PI4KA: variants seen among roughly 807,000 people sequenced by gnomAD.
PI4KA encodes PI4-kinase alpha.
PI4KA carries 122 observed loss-of-function variants against 271.4 expected under a neutral mutation model. The ratio of observed to expected loss-of-function variants is 0.45; its 90% CI spans 0.39 to 0.52. The LOEUF is 0.52. PI4KA is among the 20% of genes least tolerant of loss of function. PI4KA has a pLI of 0.00. For synonymous variants in PI4KA, 1,041 were observed against 1,078.8 expected, an observed-to-expected ratio of 0.96 and a Z score of 0.69; for missense variants, 1,969 against 2,769.1, an observed-to-expected ratio of 0.71 and a Z score of 6.48.
At chr22:20,786,803 T>G in intron 19 of PI4KA, 15 of 1,414,856 alleles carry the variant, frequency 1.1e-5, no homozygotes, top group East Asian at 2.3e-5. Context: ...CTGAATGATA[T>G]GAGATTGTGC....
chr22:20,833,406 A>G (rs178054), intron 3 of PI4KA, among the ~76,000 whole-genome samples: 73,407 of 152,024 alleles, frequency 0.48, 18,177 homozygotes, highest in African/African-American at 0.57. Flanking sequence ...TGGCTGAGGC[A>G]GGGTGCTAGG....
At chr22:20,727,616 G>C (rs1927517699) in intron 40 of PI4KA, 158 bp downstream of exon 40, 5 of 692,626 alleles carry the variant, frequency 7.2e-6, no homozygotes, top group South Asian at 5.8e-5. Flanking sequence ...AAATGCTACA[G>C]ACAAGAAATA....
intron 19 of PI4KA, among the ~76,000 whole-genome samples, chr22:20,781,286 T>C (rs1481449404): frequency 6.6e-6 from 1 of 152,180 alleles, no homozygotes; most frequent in Non-Finnish European, 1.5e-5. Flanking sequence ...CTTTACTCTC[T>C]AAGCTGAGAG....
chr22:20,766,836 G>A (rs1161773153), intron 19 of PI4KA, among the ~76,000 whole-genome samples: 1 of 152,156 alleles, frequency 6.6e-6, no homozygotes, highest in Non-Finnish European at 1.5e-5. Flanking sequence ...CACTGGGCCG[G>A]GAGAGAGGTG....
intron 29 of PI4KA, among the ~76,000 whole-genome samples, chr22:20,745,564 C>T (rs1729314105): frequency 6.6e-6 from 1 of 151,848 alleles, no homozygotes; most frequent in African/African-American, 2.4e-5. Flanking sequence ...TAAACAAGAA[C>T]AAAAATACAT....
At chr22:20,725,740 AC>A (rs1010110981) in intron 42 of PI4KA, 1 of 305,208 alleles carries the variant, frequency 3.3e-6, no homozygotes, top group Non-Finnish European at 6.8e-6. Context: ...TACAAAAAAT[AC>A]AAAAATTAGC....
At chr22:20,849,283 T>C (rs1023333553) in intron 1 of PI4KA, among the ~76,000 whole-genome samples, 13 of 152,206 alleles carry the variant, frequency 8.5e-5, no homozygotes, top group Non-Finnish European at 1.8e-4. Flanking sequence ...GAAAACAGTC[T>C]GGAGTTCCTC....
intron 32 of PI4KA, 69 bp downstream of exon 32, chr22:20,742,159 A>G: frequency 6.5e-7 from 1 of 1,531,702 alleles, no homozygotes; most frequent in Non-Finnish European, 8.9e-7. Context: ...TGGTGGCGGC[A>G]CCAGGGAAGG....
intron 29 of PI4KA, among the ~76,000 whole-genome samples, chr22:20,745,580 C>A (rs1198542441): frequency 6.6e-6 from 1 of 152,114 alleles, no homozygotes; most frequent in South Asian, 2.1e-4. Context: ...TACATGATTT[C>A]TCTCATGAAA....
chr22:20,728,553 G>A (rs1927638512), intron 39 of PI4KA, among the ~76,000 whole-genome samples: 1 of 152,156 alleles, frequency 6.6e-6, no homozygotes, highest in African/African-American at 2.4e-5. Flanking sequence ...ACAGTCCAGG[G>A]GCCACAAGGC....
At chr22:20,761,138 C>T (rs557766963) in intron 23 of PI4KA, among the ~76,000 whole-genome samples, 166 bp downstream of exon 23, 14 of 152,176 alleles carry the variant, frequency 9.2e-5, no homozygotes, top group African/African-American at 3.4e-4. Context: ...GCAGTAGAAC[C>T]ATTAAGGCGT....
intron 28 of PI4KA, 58 bp from the exon 29 acceptor site, chr22:20,747,760 G>C: frequency 6.4e-7 from 1 of 1,561,742 alleles, no homozygotes; most frequent in Non-Finnish European, 8.8e-7. Context: ...TTAGAGGCAG[G>C]GTCTCGCTCT....
chr22:20,808,466 A>T (rs1477656351), intron 9 of PI4KA, among the ~76,000 whole-genome samples: 1 of 139,660 alleles, frequency 7.2e-6, no homozygotes, highest in Non-Finnish European at 1.5e-5. Context: ...GGTGGCGTGC[A>T]CCTGTAATCC....
intron 32 of PI4KA, among the ~76,000 whole-genome samples, chr22:20,735,300 G>T (rs1453051532): frequency 1.0e-3 from 152 of 150,272 alleles, no homozygotes; most frequent in Middle Eastern, 3.4e-3. Context: ...GGCCAAAGAG[G>T]ATTCTATCCC....
At chr22:20,779,676 C>G (rs1219538694) in intron 19 of PI4KA, 1 of 1,614,052 alleles carries the variant, frequency 6.2e-7, no homozygotes, top group African/African-American at 1.3e-5. Context: ...TGGCAAGAGC[C>G]GGATCCAGCG....
At chr22:20,853,016 C>T (rs777222117) in intron 1 of PI4KA, among the ~76,000 whole-genome samples, 3 of 152,218 alleles carry the variant, frequency 2.0e-5, no homozygotes, top group Admixed American at 6.5e-5. Context: ...AAAAGAGAAT[C>T]ACTTGAGCCC....
rs145602028 is a variant in PI4KA at position 20,801,508 on chromosome 22, C to T, written c.1724+465G>A. Among the ~76,000 whole-genome samples the T allele has an allele frequency of 6.6e-3, 994 of 151,444 alleles. 12 individuals carry two copies. The highest frequency in any genetic ancestry group is 0.023 in the African/African-American group (938 of 41,190). On this transcript the variant is annotated intron_variant, in intron 14 of 54. Transcript: ENST00000255882. Reference sequence around the variant, plus strand: ...GCTGAGGCAGGAGAATTGCATGAACCCAGGAGGCAGAGGTTGCTGTGAGCT... The same window carrying T: ...GCTGAGGCAGGAGAATTGCATGAACTCAGGAGGCAGAGGTTGCTGTGAGCT...
At chr22:20,726,717 G>A (rs1927391905) in intron 41 of PI4KA, among the ~76,000 whole-genome samples, 176 bp from the exon 42 acceptor site, 1 of 152,274 alleles carries the variant, frequency 6.6e-6, no homozygotes, top group Non-Finnish European at 1.5e-5. Context: ...GAGGAAACAG[G>A]TAAAAGGAGC....
intron 1 of PI4KA, among the ~76,000 whole-genome samples, chr22:20,849,336 C>CA (rs1386410477): frequency 3.9e-5 from 6 of 152,166 alleles, no homozygotes; most frequent in Non-Finnish European, 8.8e-5. Flanking sequence ...AGCAATTCCA[C>CA]ATCTAGTTAA....
Sources: allele counts gnomAD v4.1 joint callset (sites outside exome capture counted in the v4.1 genomes callset), GRCh38; gene constraint gnomAD v4.1.1; transcripts MANE v1.5; gene names NCBI Gene and HGNC (gene_info 2026-07-23, HGNC 2026-07-21).